Variants in ANKRD28 observed in about 807,000 individuals in gnomAD.
The protein encoded by ANKRD28 is serine/threonine-protein phosphatase 6 regulatory ankyrin repeat subunit A.
ANKRD28 carries 44 observed loss-of-function variants against 126.5 expected under a neutral mutation model. The ratio of observed to expected loss-of-function variants is 0.35; its 90% CI spans 0.27 to 0.45. The LOEUF (loss-of-function observed/expected upper bound fraction) is 0.45, where lower values mean the gene tolerates loss of function less well. Among genes scored for constraint, ANKRD28 ranks in the 20% least tolerant of loss-of-function variants. ANKRD28 has a pLI of 1.00. For synonymous variants in ANKRD28, 442 were observed against 468.5 expected (o/e 0.94, Z 0.73); for missense variants, 1,110 against 1,316.6 (o/e 0.84, Z 2.43).
In ANKRD28 at chr3:15,843,071, CT is replaced by C. The variant is rs1486068131; in HGVS notation, c.27+16305del. On this transcript the variant is annotated intron_variant, in intron 1 of 27. Coordinates refer to the ANKRD28 transcript ENST00000399451. This position sits in a 1 kb window ranked among gnomAD's most constrained non-coding sequence, Gnocchi z 5.2. The stretch of plus-strand genomic sequence containing the variant: ...AGAAAAGAGGTTTAACTGGCTCATC[CT>C]TTTGCAGGCTATACAGGAATCATAG... Among the ~76,000 whole-genome samples, 1 of 152,164 alleles carries C rather than the reference CT, an allele frequency of 6.6e-6. No individual in the cohort carries two copies. Among genetic ancestry groups the C allele is most frequent in the Non-Finnish European group, 1.5e-5 (1 of 68,034 alleles).
chr3:15,674,174 CAAAA>C (rs34806568), intron 27 of ANKRD28, among the ~76,000 whole-genome samples: 24 of 40,286 alleles, frequency 6.0e-4, no homozygotes, highest in Admixed American at 5.3e-3. Flanking sequence ...CCTGCCTCTT[CAAAA>C]AAAAAAAAAA....
chr3:15,809,335 C>G (rs2060658377), intron 1 of ANKRD28, among the ~76,000 whole-genome samples: 2 of 152,226 alleles, frequency 1.3e-5, no homozygotes, highest in South Asian at 4.1e-4. Flanking sequence ...TAGTTCTATA[C>G]ATCCTTGTAA....
chr3:15,803,611 A>AT (rs202066299), intron 1 of ANKRD28, among the ~76,000 whole-genome samples: 1 of 131,384 alleles, frequency 7.6e-6, no homozygotes. Context: ...GCGAGACTCC[A>AT]TTTAAAAAAA....
intron 12 of ANKRD28, among the ~76,000 whole-genome samples, chr3:15,710,256 T>C (rs1047445085): frequency 2.0e-5 from 3 of 152,230 alleles, no homozygotes; most frequent in Non-Finnish European, 4.4e-5. Flanking sequence ...TATGTATCTT[T>C]AGTTAATACT....
At chr3:15,682,619 C>T (rs369898802) in intron 21 of ANKRD28, among the ~76,000 whole-genome samples, 149 of 152,288 alleles carry the variant, frequency 9.8e-4, no homozygotes, top group African/African-American at 3.5e-3. Flanking sequence ...TTAGTATCTA[C>T]AGCCAGTGTT....
chr3:15,856,893 C>G (rs937407793), intron 1 of ANKRD28, among the ~76,000 whole-genome samples: 9 of 152,106 alleles, frequency 5.9e-5, no homozygotes, highest in African/African-American at 2.2e-4. Flanking sequence ...CGAAACAGAC[C>G]TAAAAAAGTA....
In ANKRD28 at chr3:15,849,278, T is replaced by C. The variant is rs990601709; in HGVS notation, c.27+10099A>G. 2.2e-4 allele frequency among the ~76,000 whole-genome samples: 34 copies of C among 152,326 alleles called. 5 individuals carry two copies. Among genetic ancestry groups the C allele is most frequent in the Admixed American group, 9.8e-4 (15 of 15,294 alleles). On this transcript the variant is annotated intron_variant, in intron 1 of 27. Transcript: ENST00000399451. ...CCTATCGAAATTACAACTGTCTTTC[T>C]GGAAGAAATTGACCCATGGATGCTA...
At chr3:15,782,796 T>C (rs2059595574) in intron 2 of ANKRD28, among the ~76,000 whole-genome samples, 1 of 152,020 alleles carries the variant, frequency 6.6e-6, no homozygotes, top group African/African-American at 2.4e-5. Context: ...CAGATCAGAG[T>C]GGGAACCTGG....
intron 21 of ANKRD28, among the ~76,000 whole-genome samples, chr3:15,681,307 T>C (rs961555717): frequency 1.3e-5 from 2 of 152,194 alleles, no homozygotes; most frequent in African/African-American, 4.8e-5. Flanking sequence ...CTGATGGACA[T>C]TCAGTTGAAT....
chr3:15,681,165 T>C (rs1575116955), intron 21 of ANKRD28, among the ~76,000 whole-genome samples: 1 of 152,198 alleles, frequency 6.6e-6, no homozygotes, highest in East Asian at 1.9e-4. Flanking sequence ...ATGCACATCT[T>C]CTCATATACT....
chr3:15,750,827 G>T (rs1483033551), intron 4 of ANKRD28, among the ~76,000 whole-genome samples: 2 of 152,036 alleles, frequency 1.3e-5, no homozygotes, highest in Non-Finnish European at 1.5e-5. Context: ...GCTACACTTA[G>T]GAGTTCCTTT....
chr3:15,711,868 T>TG (rs1270853298), intron 11 of ANKRD28, among the ~76,000 whole-genome samples: 2 of 151,244 alleles, frequency 1.3e-5, no homozygotes, highest in Non-Finnish European at 3.0e-5. Context: ...TTTTTGTATT[T>TG]TTTTTTTAGT....
chr3:15,734,982 T>G (rs2074921312), intron 6 of ANKRD28, among the ~76,000 whole-genome samples: 2 of 152,214 alleles, frequency 1.3e-5, no homozygotes, highest in Admixed American at 6.5e-5. Context: ...CCCCAGTTTC[T>G]TTCTATAAAT....
At chr3:15,674,631 A>G (rs1468194022) in intron 27 of ANKRD28, among the ~76,000 whole-genome samples, 1 of 152,204 alleles carries the variant, frequency 6.6e-6, no homozygotes, top group East Asian at 1.9e-4. Flanking sequence ...GTAGTATTTA[A>G]AACCAAAGGA....
chr3:15,715,149 T>C (rs575336016), intron 8 of ANKRD28, among the ~76,000 whole-genome samples: 2 of 152,336 alleles, frequency 1.3e-5, no homozygotes, highest in Non-Finnish European at 2.9e-5. Flanking sequence ...GCTGCACACA[T>C]ATATATTTCA....
intron 14 of ANKRD28, among the ~76,000 whole-genome samples, chr3:15,699,394 G>A (rs2070200447): frequency 6.6e-6 from 1 of 152,086 alleles, no homozygotes; most frequent in Non-Finnish European, 1.5e-5. Flanking sequence ...AGACAAATGG[G>A]ATCTAATTAA....
intron 14 of ANKRD28, among the ~76,000 whole-genome samples, chr3:15,701,998 C>T (rs2070699653): frequency 1.3e-5 from 2 of 152,144 alleles, no homozygotes; most frequent in Non-Finnish European, 2.9e-5. Flanking sequence ...AATGGGTCTT[C>T]CTTACTGAGA....
chr3:15,779,285 G>T (rs1474036081), intron 2 of ANKRD28, among the ~76,000 whole-genome samples: 2 of 152,240 alleles, frequency 1.3e-5, no homozygotes, highest in East Asian at 3.9e-4. Flanking sequence ...AAAAAGCAGG[G>T]AGAAGAAATT....
At chr3:15,695,763 T>C (rs2069449466) in intron 15 of ANKRD28, among the ~76,000 whole-genome samples, 1 of 152,132 alleles carries the variant, frequency 6.6e-6, no homozygotes, top group Non-Finnish European at 1.5e-5. Flanking sequence ...ATGTGCCTTT[T>C]GGAATTCCCT....
Sources: allele counts gnomAD v4.1 joint callset (sites outside exome capture counted in the v4.1 genomes callset), GRCh38; gene constraint gnomAD v4.1.1; non-coding constraint Gnocchi (gnomAD v3.1); transcripts MANE v1.5; gene names NCBI Gene and HGNC (gene_info 2026-07-23, HGNC 2026-07-21).